ELMO1: variants seen among roughly 807,000 people sequenced by gnomAD.
ELMO1 encodes the protein engulfment and cell motility 1.
In ELMO1, 26 loss-of-function variants were observed where a neutral mutation model predicts 98.9. The ratio of observed to expected loss-of-function variants is 0.26; its 90% CI spans 0.19 to 0.36. The LOEUF is 0.36. ELMO1 is among the 10% of genes least tolerant of loss of function. The pLI, the probability that ELMO1 is intolerant of heterozygous loss-of-function variation, is 1.00. For missense variants in ELMO1, 627 were observed against 935.2 expected, an observed-to-expected ratio of 0.67 and a Z score of 4.30; for synonymous variants, 346 against 346.0, an observed-to-expected ratio of 1.00 and a Z score of 0.00.
chr7:36,937,906 C>A (rs1786687447), intron 16 of ELMO1, among the ~76,000 whole-genome samples: 1 of 152,198 alleles, frequency 6.6e-6, no homozygotes, highest in Non-Finnish European at 1.5e-5. Context: ...CCCCTGAGGC[C>A]ACTCATGGAA....
intron 1 of ELMO1, among the ~76,000 whole-genome samples, chr7:37,404,062 T>C (rs1803648545): frequency 6.6e-6 from 1 of 151,830 alleles, no homozygotes; most frequent in South Asian, 2.1e-4. Context: ...CTAATACTTC[T>C]AAAAAATAAA....
chr7:36,988,348 C>G (rs1310530418), intron 16 of ELMO1, among the ~76,000 whole-genome samples: 2 of 152,174 alleles, frequency 1.3e-5, no homozygotes, highest in African/African-American at 4.8e-5. Flanking sequence ...TGAAGGCTGT[C>G]CAAATCCTCA....
chr7:37,347,344 G>A (rs1033983067), intron 1 of ELMO1, among the ~76,000 whole-genome samples: 3 of 152,098 alleles, frequency 2.0e-5, no homozygotes, highest in African/African-American at 7.2e-5. Flanking sequence ...GAGCTGCCCC[G>A]AGCATTGCAG....
Position 36,853,031 on chromosome 7 carries a change from GA to G in ELMO1, c.*2519del, listed in dbSNP as rs1388275081. ...ATTTGGCTGAGTTGCCCAGGCTTAG[GA>G]AACTGCAGGCAACAGGAGATGAGTT... On this transcript the variant is annotated 3_prime_UTR_variant, in exon 22 of 22. Coordinates refer to ENST00000310758, the MANE Select transcript of ELMO1 (RefSeq NM_014800.11). Among the ~76,000 whole-genome samples, 1 of 152,180 alleles carries G rather than the reference GA, an allele frequency of 6.6e-6. No homozygotes were observed. Among genetic ancestry groups the G allele is most frequent in the Non-Finnish European group, 1.5e-5 (1 of 68,030 alleles).
intron 15 of ELMO1, among the ~76,000 whole-genome samples, chr7:37,056,548 A>G (rs1438172690): frequency 6.6e-6 from 1 of 152,250 alleles, no homozygotes; most frequent in Non-Finnish European, 1.5e-5. Context: ...AAAGGATGAC[A>G]TGGAAAATTA....
intron 16 of ELMO1, among the ~76,000 whole-genome samples, chr7:36,960,839 C>T (rs2129119527): frequency 6.6e-6 from 1 of 152,222 alleles, no homozygotes; most frequent in South Asian, 2.1e-4. Context: ...TCAAACCAAA[C>T]CAATCCACTG....
At chr7:36,921,168 G>C (rs1008162246) in intron 16 of ELMO1, among the ~76,000 whole-genome samples, 1 of 152,138 alleles carries the variant, frequency 6.6e-6, no homozygotes, top group Non-Finnish European at 1.5e-5. Context: ...CCAGAACTGT[G>C]AGCAACAAAT....
At chr7:37,252,626 C>T (rs1018920504) in intron 6 of ELMO1, among the ~76,000 whole-genome samples, 1 of 152,264 alleles carries the variant, frequency 6.6e-6, no homozygotes, top group East Asian at 1.9e-4. Flanking sequence ...ACCATAAAAA[C>T]CCTAGAAGAA....
intron 15 of ELMO1, among the ~76,000 whole-genome samples, chr7:37,083,208 T>A (rs1042984794): frequency 7.2e-5 from 11 of 152,172 alleles, no homozygotes; most frequent in Admixed American, 5.9e-4. Flanking sequence ...CAGAGTAATA[T>A]CCACTTAGCC....
intron 15 of ELMO1, among the ~76,000 whole-genome samples, chr7:37,019,782 TTTTAC>T (rs1283141291): frequency 6.6e-6 from 1 of 152,154 alleles, no homozygotes. Flanking sequence ...CACAATGAGA[TTTTAC>T]TTTATTTTAA....
chr7:37,260,655 C>T (rs2723976), intron 5 of ELMO1, among the ~76,000 whole-genome samples: 48,169 of 151,960 alleles, frequency 0.32, 7,747 homozygotes, highest in Middle Eastern at 0.43. Flanking sequence ...CTTTAGGACC[C>T]GAGACAGGGA....
chr7:37,233,060 G>A, intron 8 of ELMO1, 35 bp downstream of exon 8: 1 of 1,559,406 alleles, frequency 6.4e-7, no homozygotes, highest in Non-Finnish European at 8.8e-7. Context: ...ACAGAAGACA[G>A]TAAGGAAAGC....
intron 13 of ELMO1, among the ~76,000 whole-genome samples, chr7:37,180,444 T>A (rs1380212515): frequency 2.0e-5 from 3 of 152,120 alleles, no homozygotes; most frequent in Non-Finnish European, 4.4e-5. Context: ...TGGTCTGTAT[T>A]CTCCTAGAAA....
At chr7:37,351,362 C>T (rs1801260721) in intron 1 of ELMO1, 1 of 152,214 alleles carries the variant, frequency 6.6e-6, no homozygotes, top group Admixed American at 6.5e-5. Context: ...GCCTGTAATC[C>T]TAGCACTTTG....
chr7:36,977,832 C>G (rs901706693), intron 16 of ELMO1, among the ~76,000 whole-genome samples: 1 of 152,184 alleles, frequency 6.6e-6, no homozygotes, highest in Non-Finnish European at 1.5e-5. Context: ...GATAAATTTT[C>G]GTCAGGTAAA....
intron 15 of ELMO1, among the ~76,000 whole-genome samples, chr7:37,092,908 TC>T (rs1784193239): frequency 6.7e-6 from 1 of 148,842 alleles, no homozygotes; most frequent in African/African-American, 2.6e-5. Context: ...ACACTGTCTT[TC>T]TTTTTCTTTT....
rs573277686 is a variant in ELMO1 at position 36,985,514 on chromosome 7, A to C, written c.1437+27785T>G. On this transcript the variant is annotated intron_variant, in intron 16 of 21. Transcript: ENST00000310758. ...GTAATAACATCTCTCTTCACAATGC[A>C]AACACCAGCAACACAATCAAGCGGC... is the stretch of plus-strand genomic sequence containing the variant. Among the ~76,000 whole-genome samples the C allele has an allele frequency of 2.6e-4, 39 of 152,238 alleles. No individual in the cohort carries two copies. In the South Asian group the frequency reaches 4.4e-3, roughly 17 times the overall value.
chr7:37,276,592 C>T (rs1257871906), intron 4 of ELMO1, among the ~76,000 whole-genome samples: 2 of 152,164 alleles, frequency 1.3e-5, no homozygotes, highest in Admixed American at 6.5e-5. Flanking sequence ...GCCTGGGTGA[C>T]GGAGCGAGAC....
At chr7:37,146,264 T>C (rs7790052) in intron 13 of ELMO1, among the ~76,000 whole-genome samples, 109,095 of 152,148 alleles carry the variant, frequency 0.72, 41,716 homozygotes, top group South Asian at 0.86. Context: ...CCTCAAGAGC[T>C]TCAGATTCAG....
Sources: gnomAD v4.1 joint callset for allele counts (sites outside exome capture counted in the v4.1 genomes callset) on GRCh38, gnomAD v4.1.1 for gene constraint, MANE v1.5 for transcripts, NCBI Gene and HGNC (gene_info 2026-07-23, HGNC 2026-07-21) for gene names.